The following RAB28 variants were observed in gnomAD, a reference collection of about 807,000 sequenced individuals.
RAB28 encodes the protein ras-related protein Rab-28.
RAB28 carries 24 observed loss-of-function variants against 31.7 expected under a neutral mutation model. The ratio of observed to expected loss-of-function variants is 0.76; its 90% confidence interval spans 0.55 to 1.06. The LOEUF (loss-of-function observed/expected upper bound fraction) is 1.06, where lower values mean the gene tolerates loss of function less well. RAB28 is among the 50% of genes least tolerant of loss of function. The pLI, the probability that RAB28 is intolerant of heterozygous loss-of-function variation, is 0.00. For synonymous variants in RAB28, 100 were observed against 90.4 expected, an observed-to-expected ratio of 1.11 and a Z score of -0.60; for missense variants, 254 against 258.5, an observed-to-expected ratio of 0.98 and a Z score of 0.12.
intron 3 of RAB28, among the ~76,000 whole-genome samples, chr4:13,463,317 A>T (rs942417421): frequency 1.1e-4 from 17 of 152,300 alleles, no homozygotes; most frequent in African/African-American, 4.1e-4. Context: ...TCTACTGATA[A>T]TCAGTACAGG....
At chr4:13,424,073 A>G (rs553275466) in intron 4 of RAB28, among the ~76,000 whole-genome samples, 4 of 152,234 alleles carry the variant, frequency 2.6e-5, no homozygotes, top group African/African-American at 9.6e-5. Context: ...ATGTCAAGGA[A>G]GCTTACTATT....
rs571694437 is a variant in RAB28 at position 13,479,831 on chromosome 4, AAAAT to A, written c.76-309_76-306del. Among the ~76,000 whole-genome samples the A allele has an allele frequency of 6.3e-4, 96 of 151,758 alleles. 1 individual carries two copies. Among genetic ancestry groups the A allele is most frequent in the African/African-American group, 1.9e-3 (78 of 41,520 alleles). ...AGTTATCAACAGAAAAAAAAACTAA[AAAAT>A]AAATAAATAAAGATCTGAATTATTT... On this transcript the variant is annotated intron_variant, in intron 1 of 6. Coordinates refer to ENST00000330852, the MANE Select transcript of RAB28 (RefSeq NM_001017979.3).
chr4:13,443,079 A>G (rs2108943098), intron 4 of RAB28, among the ~76,000 whole-genome samples: 1 of 152,382 alleles, frequency 6.6e-6, no homozygotes, highest in African/African-American at 2.4e-5. Flanking sequence ...AGCTAGAGCT[A>G]ATAATTTAAT....
intron 4 of RAB28, among the ~76,000 whole-genome samples, chr4:13,401,601 A>G (rs1577176709): frequency 6.6e-6 from 1 of 152,192 alleles, no homozygotes; most frequent in Non-Finnish European, 1.5e-5. Context: ...TATTTTTGTG[A>G]TATTTGCTTA....
At chr4:13,404,252 C>A (rs1414491171) in intron 4 of RAB28, among the ~76,000 whole-genome samples, 1 of 152,114 alleles carries the variant, frequency 6.6e-6, no homozygotes, top group Non-Finnish European at 1.5e-5. Context: ...GTGGCGCATG[C>A]CTATAATCCC....
intron 4 of RAB28, among the ~76,000 whole-genome samples, chr4:13,422,909 GA>G (rs200647568): frequency 0.062 from 8,460 of 137,198 alleles, 538 homozygotes; most frequent in African/African-American, 0.17. Context: ...TTTTAAAAAT[GA>G]AAAAAAAAAT....
intron 4 of RAB28, among the ~76,000 whole-genome samples, chr4:13,445,660 G>C (rs777413400): frequency 6.6e-6 from 1 of 151,574 alleles, no homozygotes; most frequent in African/African-American, 2.4e-5. Flanking sequence ...TCAAGACCCT[G>C]TTCGCCTGGG....
intron 3 of RAB28, among the ~76,000 whole-genome samples, chr4:13,463,876 C>T (rs1275413133): frequency 7.9e-5 from 12 of 151,970 alleles, no homozygotes; most frequent in Non-Finnish European, 1.6e-4. Context: ...CCTTCACTTT[C>T]AGCTCTGACA....
intron 4 of RAB28, among the ~76,000 whole-genome samples, chr4:13,412,633 T>TA (rs377149844): frequency 1.3e-3 from 201 of 151,952 alleles, no homozygotes; most frequent in Middle Eastern, 3.4e-3. Context: ...AAGTGAAGAA[T>TA]AATAATACAG....
chr4:13,389,786 A>G (rs1249682378), intron 4 of RAB28, among the ~76,000 whole-genome samples: 4 of 152,210 alleles, frequency 2.6e-5, no homozygotes, highest in Non-Finnish European at 5.9e-5. Flanking sequence ...ACCTTCACAT[A>G]AACAGATCCA....
chr4:13,434,475 G>A, intron 4 of RAB28, among the ~76,000 whole-genome samples: 1 of 152,034 alleles, frequency 6.6e-6, no homozygotes, highest in South Asian at 2.1e-4. Flanking sequence ...CTATACAACA[G>A]TAGTGAAGAA....
intron 4 of RAB28, among the ~76,000 whole-genome samples, chr4:13,409,274 T>C (rs763021572): frequency 6.6e-5 from 10 of 152,220 alleles, no homozygotes; most frequent in Non-Finnish European, 1.3e-4. Context: ...AATCACTTGT[T>C]ACTGAAAAAG....
At chr4:13,483,902 C>G (rs1015246126) in intron 1 of RAB28, among the ~76,000 whole-genome samples, 174 bp downstream of exon 1, 3 of 152,206 alleles carry the variant, frequency 2.0e-5, no homozygotes, top group Admixed American at 6.5e-5. Context: ...CAGCTCTCGT[C>G]GGCCTTCACC....
intron 6 of RAB28, among the ~76,000 whole-genome samples, chr4:13,375,784 CACACACACACAGAGAGAGAG>C (rs1305603325): frequency 2.0e-5 from 3 of 149,396 alleles, no homozygotes; most frequent in African/African-American, 7.7e-5. Context: ...CACACACACA[CACACACACACAGAGAGAGAG>C]AGAGACCATG....
At chr4:13,430,690 G>A (rs1307906737) in intron 4 of RAB28, among the ~76,000 whole-genome samples, 1 of 152,118 alleles carries the variant, frequency 6.6e-6, no homozygotes, top group Non-Finnish European at 1.5e-5. Context: ...ATGGTGCCAA[G>A]GGTATCTCCA....
At chr4:13,482,644 T>C in intron 1 of RAB28, among the ~76,000 whole-genome samples, 1 of 152,178 alleles carries the variant, frequency 6.6e-6, no homozygotes, top group South Asian at 2.1e-4. Flanking sequence ...GTTTACTAAG[T>C]ATACAAAAAT....
intron 4 of RAB28, among the ~76,000 whole-genome samples, chr4:13,436,754 A>T (rs1714135408): frequency 6.6e-6 from 1 of 152,212 alleles, no homozygotes; most frequent in African/African-American, 2.4e-5. Flanking sequence ...TGGAAGAATC[A>T]ATATTGTTAA....
At chr4:13,438,154 G>A (rs981987532) in intron 4 of RAB28, among the ~76,000 whole-genome samples, 1 of 152,118 alleles carries the variant, frequency 6.6e-6, no homozygotes, top group Non-Finnish European at 1.5e-5. Flanking sequence ...AAGTTTTGTT[G>A]TCCATGTATT....
At chr4:13,436,890 C>A (rs1714146528) in intron 4 of RAB28, among the ~76,000 whole-genome samples, 1 of 151,824 alleles carries the variant, frequency 6.6e-6, no homozygotes, top group Non-Finnish European at 1.5e-5. Context: ...CCAAAAAAAA[C>A]AGCCTGGATA....
Sources: gnomAD v4.1 joint callset for allele counts (sites outside exome capture counted in the v4.1 genomes callset) on GRCh38, gnomAD v4.1.1 for gene constraint, MANE v1.5 for transcripts, NCBI Gene and HGNC (gene_info 2026-07-23, HGNC 2026-07-21) for gene names.